Variants in THSD4 observed in about 807,000 individuals in gnomAD.
THSD4 encodes the protein thrombospondin type 1 domain containing 4.
A neutral mutation model predicts 119.0 loss-of-function variants in THSD4; 69 were observed. That is an observed-to-expected ratio of 0.58 (90% confidence interval 0.48 to 0.71). The LOEUF (loss-of-function observed/expected upper bound fraction) is 0.71. Among genes scored for constraint, THSD4 ranks in the 30% least tolerant of loss-of-function variants. The probability of loss-of-function intolerance (pLI) is 0.00; values close to 1 mark genes in which losing one functional copy is unlikely to be tolerated. For missense variants in THSD4, 1,393 were observed against 1,391.1 expected, an observed-to-expected ratio of 1.00 and a Z score of -0.02; for synonymous variants, 524 against 540.4, an observed-to-expected ratio of 0.97 and a Z score of 0.42.
At chr15:71,323,375 T>C (rs901527432) in intron 6 of THSD4, among the ~76,000 whole-genome samples, 15 of 151,964 alleles carry the variant, frequency 9.9e-5, no homozygotes, top group African/African-American at 3.6e-4. Flanking sequence ...GTCTAGGAAC[T>C]AGACACATGG....
chr15:71,111,646 C>A (rs1378547261), upstream of THSD4: 1 of 574,616 alleles, frequency 1.7e-6, no homozygotes, highest in Non-Finnish European at 3.1e-6. Flanking sequence ...ATGAAAGGAA[C>A]AATTTTACAA....
At chr15:71,736,137 CTCTCTCTCCGTCTCTCTTGCTCTCTG>C (rs1189339714) in intron 10 of THSD4, among the ~76,000 whole-genome samples, 3 of 89,394 alleles carry the variant, frequency 3.4e-5, no homozygotes, top group Non-Finnish European at 7.2e-5. Flanking sequence ...CTCTCTCTTG[CTCTCTCTCCGTCTCTCTTGCTCTCTG>C]TCTCTGTCTC....
rs75139622 is a variant in THSD4, at chr15:71,223,236, G to A, written c.464+7837G>A. ...TCCTTCAAGGTCACGCAGAAGGCAA[G>A]CAAGAGAGCACAAGCCTGTGCGACA... On this transcript the variant is annotated intron_variant, in intron 4 of 17. Transcript: ENST00000261862. Among the ~76,000 whole-genome samples, 29 of 152,328 alleles carry A rather than the reference G, an allele frequency of 1.9e-4. No homozygotes were observed. In the East Asian group the frequency reaches 4.8e-3, roughly 25 times the overall value.
At chr15:71,473,154 G>T (rs940155699) in intron 7 of THSD4, among the ~76,000 whole-genome samples, 3 of 150,792 alleles carry the variant, frequency 2.0e-5, no homozygotes, top group African/African-American at 7.3e-5. Context: ...CCTTGCAGGC[G>T]CAAGCAAATC....
chr15:71,648,264 C>A (rs915551278), intron 7 of THSD4, among the ~76,000 whole-genome samples: 1 of 152,090 alleles, frequency 6.6e-6, no homozygotes, highest in Non-Finnish European at 1.5e-5. Flanking sequence ...GTGGTCCAGC[C>A]GTAACAGCTG....
intron 8 of THSD4, among the ~76,000 whole-genome samples, chr15:71,688,941 G>A (rs1308390756): frequency 6.6e-6 from 1 of 151,914 alleles, no homozygotes; most frequent in Non-Finnish European, 1.5e-5. Context: ...TTCTCCTCCT[G>A]GGCAAGGCCA....
At chr15:71,109,179 G>A (rs560096620) in intron 1 of THSD4, among the ~76,000 whole-genome samples, 12 of 152,244 alleles carry the variant, frequency 7.9e-5, no homozygotes, top group African/African-American at 2.9e-4. Context: ...GCCATTTCAG[G>A]GTCACCCACT....
intron 6 of THSD4, among the ~76,000 whole-genome samples, chr15:71,397,776 C>T (rs2046471999): frequency 6.6e-6 from 1 of 152,186 alleles, no homozygotes; most frequent in Non-Finnish European, 1.5e-5. Context: ...AGTTACTTAA[C>T]CTCTCTGAGC....
intron 4 of THSD4, among the ~76,000 whole-genome samples, chr15:71,222,788 AC>A (rs1015486972): frequency 2.6e-5 from 4 of 152,154 alleles, no homozygotes; most frequent in Admixed American, 6.5e-5. Context: ...GCTCTCAATG[AC>A]TGGGGCTTTG....
intron 6 of THSD4, among the ~76,000 whole-genome samples, chr15:71,345,204 G>C (rs2045637829): frequency 2.1e-5 from 3 of 146,030 alleles, no homozygotes; most frequent in Non-Finnish European, 4.5e-5. Flanking sequence ...GCGGGGGGTT[G>C]GGGGGGTGGG....
At chr15:71,396,914 C>G (rs533058006) in intron 6 of THSD4, among the ~76,000 whole-genome samples, 47 of 152,300 alleles carry the variant, frequency 3.1e-4, no homozygotes, top group Middle Eastern at 3.4e-3. Context: ...GTAACTTGGA[C>G]AAGGTTCACT....
In THSD4 at chr15:71,414,453, C is replaced by A. The variant is rs115310069; in HGVS notation, c.1152+2630C>A. 3.4e-3 allele frequency among the ~76,000 whole-genome samples: 518 copies of A among 152,310 alleles called. 2 individuals are homozygous for A. Among genetic ancestry groups the A allele is most frequent in the African/African-American group, 0.012 (500 of 41,566 alleles). ...AGGGCCTGGGGAAGGGCCTGGGAAT[C>A]CGCTTTTCTAACAAACTTCCATGTG... On this transcript the variant is annotated intron_variant, in intron 7 of 17. Transcript: ENST00000261862.
chr15:71,583,306 T>A (rs1439335238), intron 7 of THSD4, among the ~76,000 whole-genome samples: 2 of 152,168 alleles, frequency 1.3e-5, no homozygotes, highest in Non-Finnish European at 2.9e-5. Context: ...GACTCTTTTC[T>A]TATAGTCTAG....
upstream of THSD4, chr15:71,111,403 C>CTGTA: frequency 6.2e-7 from 1 of 1,610,804 alleles, no homozygotes; most frequent in Non-Finnish European, 8.5e-7. Flanking sequence ...GGAACTCAGA[C>CTGTA]TGTAGGTCAG....
intron 8 of THSD4, among the ~76,000 whole-genome samples, chr15:71,697,834 T>G (rs570907650): frequency 1.3e-5 from 2 of 152,338 alleles, no homozygotes; most frequent in African/African-American, 4.8e-5. Flanking sequence ...ATAAATTCAT[T>G]TTGCAGCACA....
chr15:71,227,538 G>A (rs561809264), intron 4 of THSD4, among the ~76,000 whole-genome samples: 2 of 152,344 alleles, frequency 1.3e-5, no homozygotes, highest in South Asian at 4.1e-4. Context: ...TGCACATATT[G>A]TTGATTCAGT....
At chr15:71,690,746 AAAAG>A (rs1359756744) in intron 8 of THSD4, among the ~76,000 whole-genome samples, 2 of 152,194 alleles carry the variant, frequency 1.3e-5, no homozygotes, top group Non-Finnish European at 2.9e-5. Context: ...AGCAGGCAAA[AAAAG>A]GTTGTGCAGG....
chr15:71,529,415 A>G (rs985093440), intron 7 of THSD4, among the ~76,000 whole-genome samples: 3 of 152,224 alleles, frequency 2.0e-5, no homozygotes, highest in Non-Finnish European at 2.9e-5. Flanking sequence ...TGGGAAAACA[A>G]ATGTCATAAT....
At chr15:71,340,188 G>A (rs1193482332) in intron 6 of THSD4, among the ~76,000 whole-genome samples, 4 of 152,194 alleles carry the variant, frequency 2.6e-5, no homozygotes, top group Admixed American at 6.5e-5. Context: ...TGACTGGACC[G>A]TGTGCTTGCT....
Sources: gnomAD v4.1 joint callset for allele counts (sites outside exome capture counted in the v4.1 genomes callset) on GRCh38, gnomAD v4.1.1 for gene constraint, MANE v1.5 for transcripts, NCBI Gene and HGNC (gene_info 2026-07-23, HGNC 2026-07-21) for gene names.